The following ITPK1 variants were observed in gnomAD, a reference collection of about 807,000 sequenced individuals.
ITPK1 encodes inositol-tetrakisphosphate 1-kinase.
Under a neutral mutation model 45.3 loss-of-function variants are expected in ITPK1, and 21 were observed. That is an observed-to-expected ratio of 0.46 (90% CI 0.33 to 0.67). ITPK1 has a LOEUF of 0.67. Ranked by LOEUF, ITPK1 falls within the 30% of genes least tolerant of loss-of-function variation. The pLI is 0.02. For missense variants in ITPK1, 474 were observed against 573.5 expected (o/e 0.83, Z 1.77); for synonymous variants, 258 against 253.6 (o/e 1.02, Z -0.16).
chr14:93,082,387 G>A (rs891376152), intron 2 of ITPK1, among the ~76,000 whole-genome samples: 12 of 152,314 alleles, frequency 7.9e-5, no homozygotes, highest in East Asian at 1.9e-4. Flanking sequence ...ATTCGGGGGC[G>A]TAGGCAGGAG....
chr14:93,080,025 T>C (rs1891376989), intron 2 of ITPK1, among the ~76,000 whole-genome samples: 1 of 152,180 alleles, frequency 6.6e-6, no homozygotes, highest in Admixed American at 6.5e-5. Context: ...AGAGGGGACA[T>C]TAACAAACCA....
chr14:93,016,781 G>C lies in ITPK1; in HGVS notation c.141C>G (p.Ile47Met), dbSNP rs773167369. ...EVVQLNLSRP[I>M]EEQGPLDVII... ...TGACGTCCAGGGGGCCCTGCTCCTC[G>C]ATCGGCCGGCTAAGGTTCAGCTGTG... Residue 47 changes from isoleucine to methionine, a missense_variant, in exon 4 of 11, where the codon ATC becomes ATG. Ile to Met is a conservative substitution (Grantham distance 10). Transcript: ENST00000267615. The surrounding 1 kb of genome is among the most constrained non-coding windows in gnomAD (Gnocchi z 5.0). 5.0e-6 allele frequency: 8 copies of C among 1,613,886 alleles called. No homozygotes were observed. Among genetic ancestry groups the C allele is most frequent in the Non-Finnish European group, 6.8e-6 (8 of 1,179,976 alleles).
At chr14:93,056,513 TAGG>T (rs1890220600) in intron 3 of ITPK1, among the ~76,000 whole-genome samples, 1 of 152,226 alleles carries the variant, frequency 6.6e-6, no homozygotes, top group African/African-American at 2.4e-5. Context: ...GAAGCAGAAT[TAGG>T]AGACCTCAGC....
chr14:93,097,496 G>A lies in ITPK1; in HGVS notation c.95+17573C>T, dbSNP rs117558115. Among the ~76,000 whole-genome samples the A allele has an allele frequency of 6.0e-3, 915 of 152,238 alleles. 5 individuals carry two copies. Among genetic ancestry groups the A allele is most frequent in the Non-Finnish European group, 7.3e-3 (499 of 68,018 alleles). On this transcript the variant is annotated intron_variant, in intron 2 of 10. Transcript: ENST00000267615. ...CAGACTGCAAGCTGACCACACACAC[G>A]CAAGGGATTCCTAGCAAGACCAGAG...
chr14:92,965,798 G>A (rs1488435102), intron 5 of ITPK1, among the ~76,000 whole-genome samples: 2 of 152,198 alleles, frequency 1.3e-5, no homozygotes, highest in Non-Finnish European at 2.9e-5. Context: ...GAGGTTGGGA[G>A]TTCAAGACCA....
rs1307700299 is a variant in ITPK1 at position 92,941,838 on chromosome 14, T to C, written c.968A>G (p.Gln323Arg). The change falls in exon 11 of 11, where the codon CAG becomes CGG. Residue 323 changes from glutamine to arginine, a missense_variant. Around this residue, in one of 2 missense-constraint regions of ITPK1, gnomAD observed 367 missense variants for 480.6 expected, o/e 0.76. Transcript: ENST00000267615. Reference sequence around the variant, plus strand: ...CCCTGTGGCTGCCATGGCTGTGCTCTGGCCCTGCAGGACAGTGGCGATGTG... The same window carrying C: ...CCCTGTGGCTGCCATGGCTGTGCTCCGGCCCTGCAGGACAGTGGCGATGTG... ...LNHIATVLQG[Q>R]STAMAATGDV... 2 of 1,612,502 alleles carry C rather than the reference T, an allele frequency of 1.2e-6. No individual in the cohort carries two copies. Among genetic ancestry groups the C allele is most frequent in the Admixed American group, 3.3e-5 (2 of 59,998 alleles).
intron 2 of ITPK1, among the ~76,000 whole-genome samples, chr14:93,088,727 G>A (rs1891751888): frequency 6.6e-6 from 1 of 151,966 alleles, no homozygotes; most frequent in African/African-American, 2.4e-5. Flanking sequence ...AAACTCCCAG[G>A]CTCAAGCAAT....
intron 3 of ITPK1, among the ~76,000 whole-genome samples, chr14:93,023,725 A>C (rs1257545162): frequency 2.6e-5 from 4 of 152,122 alleles, no homozygotes; most frequent in Non-Finnish European, 5.9e-5. Flanking sequence ...TGGATGAGAG[A>C]GGAATGGGGA....
chr14:93,092,769 C>T (rs1891914201), intron 2 of ITPK1, among the ~76,000 whole-genome samples: 1 of 152,204 alleles, frequency 6.6e-6, no homozygotes, highest in African/African-American at 2.4e-5. Context: ...AAGCTTCCAC[C>T]CCACGACAGC....
Position 93,014,543 on chromosome 14 carries a change from C to T in ITPK1, c.246+2133G>A, listed in dbSNP as rs1888078427. Among the ~76,000 whole-genome samples the T allele has an allele frequency of 6.6e-6, 1 of 152,228 alleles. No individual in the cohort carries two copies. Among genetic ancestry groups the T allele is most frequent in the African/African-American group, 2.4e-5 (1 of 41,456 alleles). The stretch of plus-strand genomic sequence containing the variant: ...ACAGGCATTTACTCCTCCCAGCAAC[C>T]TGCCCACCCAAGGAGGAAGGAACTG... On this transcript the variant is annotated intron_variant, in intron 4 of 10. Coordinates refer to ENST00000267615, the MANE Select transcript of ITPK1 (RefSeq NM_014216.6). The surrounding 1 kb of genome is among the most constrained non-coding windows in gnomAD (Gnocchi z 4.4).
In ITPK1 at chr14:93,007,278, T is replaced by C. The variant is rs987985315; in HGVS notation, c.246+9398A>G. ...CCTATGCAGCTGCCCCTCCCCTGTA[T>C]ACAATAATACACAGAAGAGCAGCTT... is the stretch of plus-strand genomic sequence containing the variant. On this transcript the variant is annotated intron_variant, in intron 4 of 10. Coordinates refer to ENST00000267615, the MANE Select transcript of ITPK1 (RefSeq NM_014216.6). Among the ~76,000 whole-genome samples, 26 of 152,180 alleles carry C rather than the reference T, an allele frequency of 1.7e-4. No homozygotes were observed. In the East Asian group the frequency reaches 3.1e-3, roughly 18 times the overall value.
rs1889195415 is a variant in ITPK1, at chr14:93,034,029, C to G, written c.121-17228G>C. On this transcript the variant is annotated intron_variant, in intron 3 of 10. Transcript: ENST00000267615. This position sits in a 1 kb window ranked among gnomAD's most constrained non-coding sequence, Gnocchi z 4.1. ...CCAGCTGGCAGCCTTTTTCCAAACT[C>G]AGGAATGGGGGAGAAAGAGTGGGCT... Among the ~76,000 whole-genome samples, 1 of 152,094 alleles carries G rather than the reference C, an allele frequency of 6.6e-6. No individual in the cohort carries two copies. The highest frequency in any genetic ancestry group is 2.4e-5 in the African/African-American group (1 of 41,416).
In ITPK1 at chr14:93,076,450, C is replaced by G; in HGVS notation, c.120+145G>C. 1.1e-6 allele frequency: 1 copy of G among 917,464 alleles called. No homozygotes were observed. The highest frequency in any genetic ancestry group is 1.5e-5 in the South Asian group (1 of 65,632). 56.8% of individuals were successfully genotyped at this position (917,464 alleles called of 1,614,324 possible). On this transcript the variant is annotated intron_variant, in intron 3 of 10. Transcript: ENST00000267615. This position sits in a 1 kb window ranked among gnomAD's most constrained non-coding sequence, Gnocchi z 4.3. ...GCCCAGGCCAGGGCAGAAACCACAT[C>G]AAATCCACAGGGGAGCTAAAAACAA...
At chr14:92,961,663 G>A (rs1885078285) in intron 7 of ITPK1, among the ~76,000 whole-genome samples, 1 of 152,214 alleles carries the variant, frequency 6.6e-6, no homozygotes, top group South Asian at 2.1e-4. Flanking sequence ...ATGGCCCAAA[G>A]GATAGCCAGC....
intron 3 of ITPK1, chr14:93,069,963 GA>G (rs1445048490): frequency 6.6e-6 from 1 of 152,196 alleles, no homozygotes; most frequent in Non-Finnish European, 1.5e-5. Flanking sequence ...GCCTGCTTGA[GA>G]AACAGCCGCC....
At chr14:92,965,537 GAAGTGA>G (rs1409677237) in intron 5 of ITPK1, among the ~76,000 whole-genome samples, 1 of 152,182 alleles carries the variant, frequency 6.6e-6, no homozygotes, top group African/African-American at 2.4e-5. Flanking sequence ...TGGAAGGGAA[GAAGTGA>G]AACCATCTCT....
chr14:93,015,684 CTG>C (rs1206347966), intron 4 of ITPK1, among the ~76,000 whole-genome samples: 5 of 152,316 alleles, frequency 3.3e-5, no homozygotes, highest in African/African-American at 1.2e-4. Flanking sequence ...CAGGCTGCCT[CTG>C]TGTCCGGGGC....
chr14:92,940,738 C>T lies in ITPK1; in HGVS notation c.*823G>A. ...AGACAAGGGGGTGGAGGCCCAAAGA[C>T]CTGGAATGATTTGCCCAAATCACAG... On this transcript the variant is annotated 3_prime_UTR_variant, in exon 11 of 11. Coordinates refer to ENST00000267615, the MANE Select transcript of ITPK1 (RefSeq NM_014216.6). 7.8e-7 allele frequency: 1 copy of T among 1,289,110 alleles called. No individual in the cohort carries two copies. The allele number at this position is 1,289,110 out of a possible 1,614,324, so 79.9% of individuals were successfully genotyped here. A position where few individuals can be genotyped will look rare whatever the true frequency, so the allele number is the denominator to read the frequency against.
In ITPK1 at chr14:92,940,649, G is replaced by A; in HGVS notation, c.*912C>T. On this transcript the variant is annotated 3_prime_UTR_variant, in exon 11 of 11. Coordinates refer to ENST00000267615, the MANE Select transcript of ITPK1 (RefSeq NM_014216.6). ...AGGTGACTTTATGGAAAGGCAGGCT[G>A]CATCCCAGGGGTTAGGGCACAAAGC... is the stretch of plus-strand genomic sequence containing the variant. 1.6e-6 allele frequency: 2 copies of A among 1,240,210 alleles called. No homozygotes were observed. Among genetic ancestry groups the A allele is most frequent in the South Asian group, 2.7e-5 (2 of 73,274 alleles). 76.8% of individuals were successfully genotyped at this position (1,240,210 alleles called of 1,614,324 possible). A position where few individuals can be genotyped will look rare whatever the true frequency, so the allele number is the denominator to read the frequency against.
Sources: allele counts gnomAD v4.1 joint callset (sites outside exome capture counted in the v4.1 genomes callset), GRCh38; gene constraint gnomAD v4.1.1; regional missense constraint gnomAD v4.1.1; non-coding constraint Gnocchi (gnomAD v3.1); transcripts MANE v1.5; gene names NCBI Gene and HGNC (gene_info 2026-07-23, HGNC 2026-07-21).